The following ODAD2 variants were observed in gnomAD, a reference collection of about 807,000 sequenced individuals.
The protein encoded by ODAD2 is outer dynein arm docking complex subunit 2, also known as outer dynein arm-docking complex subunit 2.
Under a neutral mutation model 106.8 loss-of-function variants are expected in ODAD2, and 89 were observed. The observed-to-expected ratio is 0.83, with a 90% CI of 0.70 to 0.99. The LOEUF is 0.99. ODAD2 is among the 50% of genes least tolerant of loss of function. ODAD2 has a pLI of 0.00. For synonymous variants in ODAD2, 404 were observed against 436.2 expected (o/e 0.93, Z 0.92); for missense variants, 1,168 against 1,238.5 (o/e 0.94, Z 0.85).
intron 15 of ODAD2, 49 bp from the exon 16 acceptor site, chr10:27,935,301 C>A: frequency 6.3e-7 from 1 of 1,596,672 alleles, no homozygotes; most frequent in Non-Finnish European, 8.6e-7. Context: ...ATAAGGTTTG[C>A]TAAAAATTAC....
intron 16 of ODAD2, among the ~76,000 whole-genome samples, chr10:27,918,478 C>T (rs1018164105): frequency 2.6e-5 from 4 of 151,638 alleles, no homozygotes; most frequent in African/African-American, 4.8e-5. Context: ...TAAAAAGCAT[C>T]GTATAAAATT....
At position 27,812,271 on chromosome 10, in the gene ODAD2, T is replaced by A. The variant is rs1056749880; in HGVS notation, c.*241A>T. On this transcript the variant is annotated 3_prime_UTR_variant, in exon 20 of 20. Transcript: ENST00000305242. ...ATATTCTCATATTCTTAGAAACTTA[T>A]CACAGGTTTATTGGCTTTCCATCTT... The A allele has an allele frequency of 2.2e-5, 11 of 493,818 alleles. No individual in the cohort carries two copies. Among genetic ancestry groups the A allele is most frequent in the African/African-American group, 2.0e-4 (10 of 49,172 alleles). The allele number at this position is 493,818 out of a possible 1,614,324, so 30.6% of individuals were successfully genotyped here. A position where few individuals can be genotyped will look rare whatever the true frequency, so the allele number is the denominator to read the frequency against.
At chr10:27,939,863 G>T (rs1564526037) in intron 14 of ODAD2, 34 bp downstream of exon 14, 3 of 1,385,496 alleles carry the variant, frequency 2.2e-6, no homozygotes. Flanking sequence ...ATGTGAGAAA[G>T]AACGCCAACA....
chr10:27,919,489 A>G (rs7076362), intron 16 of ODAD2, among the ~76,000 whole-genome samples: 2,333 of 152,262 alleles, frequency 0.015, 61 homozygotes, highest in African/African-American at 0.053. Context: ...CCAATTAAAA[A>G]TGGGCAAAAG....
intron 9 of ODAD2, among the ~76,000 whole-genome samples, chr10:27,963,593 T>C (rs1252461494): frequency 6.6e-6 from 1 of 151,904 alleles, no homozygotes; most frequent in Non-Finnish European, 1.5e-5. Context: ...AAACTATTTT[T>C]CCCCCCACTG....
At position 27,935,210 on chromosome 10, in the gene ODAD2, T is replaced by C. The variant is rs1192932514; in HGVS notation, c.2295A>G (p.Leu765=). ...CAAGTACTTCTTCAGGCTGATCTGT[T>C]AGAAGTCCCACCAAGGTTTCAATGG... The part of the protein sequence containing the change: ...YKAIETLVGL[L]TDQPEEVLVN... The change falls in exon 16 of 20, where the codon CTA becomes CTG. Residue 765 remains leucine (L), a synonymous_variant. Transcript: ENST00000305242. 6.2e-7 allele frequency: 1 copy of C among 1,613,892 alleles called. No homozygotes were observed.
At chr10:27,979,074 G>A (rs770330978) in intron 7 of ODAD2, among the ~76,000 whole-genome samples, 1 of 151,862 alleles carries the variant, frequency 6.6e-6, no homozygotes, top group Non-Finnish European at 1.5e-5. Context: ...GCAGAGCATG[G>A]TGGCAGATGC....
intron 19 of ODAD2, among the ~76,000 whole-genome samples, chr10:27,841,080 T>G (rs1216385373): frequency 3.3e-5 from 5 of 152,234 alleles, no homozygotes; most frequent in Non-Finnish European, 7.3e-5. Context: ...GTAACATATA[T>G]ATGAGCTATT....
At chr10:27,950,380 A>T (rs574328875) in intron 10 of ODAD2, among the ~76,000 whole-genome samples, 67 of 152,266 alleles carry the variant, frequency 4.4e-4, no homozygotes, top group African/African-American at 1.5e-3. Context: ...TTATTTGCAA[A>T]TCTATTTTAC....
chr10:27,964,662 C>A (rs1410231951), intron 9 of ODAD2, among the ~76,000 whole-genome samples: 2 of 152,128 alleles, frequency 1.3e-5, no homozygotes, highest in African/African-American at 4.8e-5. Flanking sequence ...TTTGTCTTTA[C>A]CTCGATGTTC....
At chr10:27,939,871 A>C in intron 14 of ODAD2, 26 bp downstream of exon 14, 176 of 1,461,730 alleles carry the variant, frequency 1.2e-4, no homozygotes, top group Non-Finnish European at 1.5e-4. Flanking sequence ...AAGAACGCCA[A>C]CAACCGCTGG....
At chr10:27,968,147 T>C (rs1295339063) in intron 9 of ODAD2, among the ~76,000 whole-genome samples, 3 of 151,188 alleles carry the variant, frequency 2.0e-5, no homozygotes, top group Non-Finnish European at 4.4e-5. Flanking sequence ...ATAGAAAGTC[T>C]CAGCAAAGAA....
chr10:27,891,281 C>A (rs1842545348), intron 17 of ODAD2, among the ~76,000 whole-genome samples: 1 of 152,180 alleles, frequency 6.6e-6, no homozygotes, highest in African/African-American at 2.4e-5. Flanking sequence ...AAATTAACTT[C>A]TCTTCTCTTT....
chr10:27,917,590 T>C (rs746614686), intron 16 of ODAD2, among the ~76,000 whole-genome samples: 27 of 152,024 alleles, frequency 1.8e-4, no homozygotes, highest in Non-Finnish European at 2.8e-4. Context: ...TAGGTTCTTT[T>C]AAAAGGTGAA....
chr10:27,961,855 A>T, intron 9 of ODAD2, 140 bp from the exon 10 acceptor site: 2 of 652,414 alleles, frequency 3.1e-6, no homozygotes, highest in Middle Eastern at 3.8e-4. Flanking sequence ...ACTTAAGGCC[A>T]AGAGTTCAAC....
At chr10:27,992,997 C>T (rs1850321820) in intron 2 of ODAD2, among the ~76,000 whole-genome samples, 1 of 152,130 alleles carries the variant, frequency 6.6e-6, no homozygotes, top group Admixed American at 6.5e-5. Context: ...CTCACTGCAA[C>T]CTCCACCTCC....
At chr10:27,977,200 G>A (rs1027543236) in intron 7 of ODAD2, among the ~76,000 whole-genome samples, 8 of 151,982 alleles carry the variant, frequency 5.3e-5, no homozygotes, top group African/African-American at 1.7e-4. Flanking sequence ...AACACTATAA[G>A]GAAAAAATAA....
At chr10:27,816,456 T>C (rs931594140) in intron 19 of ODAD2, among the ~76,000 whole-genome samples, 1 of 152,030 alleles carries the variant, frequency 6.6e-6, no homozygotes, top group African/African-American at 2.4e-5. Context: ...ACAGAGGAAA[T>C]AGATTATAGG....
At chr10:27,914,519 A>G (rs1450245293) in intron 16 of ODAD2, among the ~76,000 whole-genome samples, 2 of 152,124 alleles carry the variant, frequency 1.3e-5, no homozygotes, top group African/African-American at 2.4e-5. Context: ...ACATTATTCT[A>G]TGAAAAAGAG....
Sources: allele counts gnomAD v4.1 joint callset (sites outside exome capture counted in the v4.1 genomes callset), GRCh38; gene constraint gnomAD v4.1.1; transcripts MANE v1.5; gene names NCBI Gene and HGNC (gene_info 2026-07-23, HGNC 2026-07-21).